The following NKAIN3 variants were observed in gnomAD, a reference collection of about 807,000 sequenced individuals.
The protein encoded by NKAIN3 is sodium/potassium-transporting ATPase subunit beta-1-interacting protein 3.
Under a neutral mutation model 30.2 loss-of-function variants are expected in NKAIN3, and 25 were observed. The observed-to-expected ratio is 0.83, with a 90% CI of 0.60 to 1.16. The LOEUF (loss-of-function observed/expected upper bound fraction) is 1.16, where lower values mean the gene tolerates loss of function less well. NKAIN3 is among the 50% of genes most tolerant of loss of function. NKAIN3 has a pLI of 0.00. For synonymous variants in NKAIN3, 91 were observed against 89.6 expected (o/e 1.02, Z -0.09); for missense variants, 225 against 254.1 (o/e 0.89, Z 0.78).
intron 4 of NKAIN3, among the ~76,000 whole-genome samples, chr8:62,871,270 G>C (rs1820634054): frequency 6.6e-6 from 1 of 151,880 alleles, no homozygotes; most frequent in Non-Finnish European, 1.5e-5. Context: ...AGACCTGGTG[G>C]TGTGCACCTG....
intron 5 of NKAIN3, among the ~76,000 whole-genome samples, chr8:62,950,880 A>G (rs951870176): frequency 6.6e-6 from 1 of 150,666 alleles, no homozygotes; most frequent in African/African-American, 2.4e-5. Context: ...CACGTAGACA[A>G]CTCTTTCCAT....
intron 3 of NKAIN3, among the ~76,000 whole-genome samples, chr8:62,647,824 A>G (rs16929351): frequency 0.012 from 1,890 of 152,290 alleles, 43 homozygotes; most frequent in East Asian, 0.058. Context: ...AAGCAGTTTT[A>G]CTTGAGACAA....
chr8:62,376,546 C>A (rs13269658), intron 1 of NKAIN3, among the ~76,000 whole-genome samples: 63,731 of 151,978 alleles, frequency 0.42, 15,621 homozygotes, highest in Non-Finnish European at 0.54. Context: ...TCTACAGGTG[C>A]TTGCACCTGT....
intron 1 of NKAIN3, among the ~76,000 whole-genome samples, chr8:62,267,399 A>C (rs1200189853): frequency 6.6e-6 from 1 of 152,224 alleles, no homozygotes; most frequent in East Asian, 1.9e-4. Context: ...TTTAGGTTAA[A>C]TATCTGCAGT....
intron 1 of NKAIN3, among the ~76,000 whole-genome samples, chr8:62,376,742 T>C (rs1325297643): frequency 6.6e-6 from 1 of 152,172 alleles, no homozygotes; most frequent in Non-Finnish European, 1.5e-5. Context: ...AAAATGCAAA[T>C]ATATTTACAC....
At chr8:62,588,975 C>T (rs1276551012) in intron 2 of NKAIN3, among the ~76,000 whole-genome samples, 6 of 151,792 alleles carry the variant, frequency 4.0e-5, no homozygotes, top group South Asian at 4.2e-4. Flanking sequence ...ATGAGTCTCT[C>T]GATCTAGGGC....
intron 4 of NKAIN3, among the ~76,000 whole-genome samples, chr8:62,883,956 G>A (rs7010101): frequency 1 from 152,300 of 152,300 alleles, 76,150 homozygotes; most frequent in Non-Finnish European, 1. Flanking sequence ...CTTTCTGTGT[G>A]CCTATGATCC....
chr8:62,953,530 GA>G lies in NKAIN3; in HGVS notation c.533-364del, dbSNP rs375766946. ...TAATGATGCAATACATATTCTTAAG[GA>G]AAAAAAAGGATTCTAGCAGCAAGAG... On this transcript the variant is annotated intron_variant, in intron 5 of 6. Transcript: ENST00000623646. Among the ~76,000 whole-genome samples, 319 of 151,576 alleles carry G rather than the reference GA, an allele frequency of 2.1e-3. 2 individuals are homozygous for G. Among genetic ancestry groups the G allele is most frequent in the Middle Eastern group, 6.8e-3 (2 of 292 alleles).
intron 1 of NKAIN3, among the ~76,000 whole-genome samples, chr8:62,307,202 C>A (rs1814273219): frequency 6.7e-6 from 1 of 148,832 alleles, no homozygotes; most frequent in African/African-American, 2.6e-5. Context: ...TTTTAAATAT[C>A]CTACTTAATT....
chr8:62,615,768 G>A (rs1811433697), intron 3 of NKAIN3, among the ~76,000 whole-genome samples: 1 of 152,154 alleles, frequency 6.6e-6, no homozygotes, highest in Admixed American at 6.5e-5. Context: ...ACTGAGTTCA[G>A]TGACACAATT....
At chr8:62,379,248 C>T (rs1486825315) in intron 1 of NKAIN3, among the ~76,000 whole-genome samples, 1 of 152,174 alleles carries the variant, frequency 6.6e-6, no homozygotes, top group Non-Finnish European at 1.5e-5. Context: ...TAGGAAGTTA[C>T]TAACTTGCTT....
At chr8:62,581,996 C>A (rs111066296) in intron 2 of NKAIN3, among the ~76,000 whole-genome samples, 5 of 127,282 alleles carry the variant, frequency 3.9e-5, no homozygotes, top group African/African-American at 8.4e-5. Context: ...TTCCTTCTTT[C>A]CTTCCTTCCC....
intron 5 of NKAIN3, among the ~76,000 whole-genome samples, chr8:62,951,021 A>C (rs998441009): frequency 7.8e-5 from 11 of 141,572 alleles, no homozygotes; most frequent in Admixed American, 5.4e-4. Flanking sequence ...CAACAATACC[A>C]CTCTCTTTTC....
intron 1 of NKAIN3, among the ~76,000 whole-genome samples, chr8:62,557,164 G>T (rs889866998): frequency 4.6e-5 from 7 of 151,960 alleles, no homozygotes; most frequent in African/African-American, 1.7e-4. Context: ...ATGATGTTTG[G>T]TTTTCCATTC....
At chr8:62,567,984 C>T (rs1234029860) in intron 1 of NKAIN3, among the ~76,000 whole-genome samples, 1 of 152,106 alleles carries the variant, frequency 6.6e-6, no homozygotes, top group Non-Finnish European at 1.5e-5. Flanking sequence ...TTAAAGATTA[C>T]TGTTACCTGC....
At chr8:62,635,130 C>G (rs1396461266) in intron 3 of NKAIN3, among the ~76,000 whole-genome samples, 3 of 152,014 alleles carry the variant, frequency 2.0e-5, no homozygotes, top group Non-Finnish European at 2.9e-5. Flanking sequence ...GGGACTGTGA[C>G]AGGGTATGGA....
In NKAIN3 at chr8:62,359,664, A is replaced by T. The variant is rs540655578; in HGVS notation, c.54+110537A>T. ...TACTAAGAATTAGACAAGAGCCAGA[A>T]CAGGTCTTTTGTTGGAAGCCAGAGT... On this transcript the variant is annotated intron_variant, in intron 1 of 6. Transcript: ENST00000623646. Among the ~76,000 whole-genome samples, 5 of 152,346 alleles carry T rather than the reference A, an allele frequency of 3.3e-5. No individual in the cohort carries two copies. In the East Asian group the frequency reaches 9.7e-4, roughly 29 times the overall value.
At chr8:62,466,036 G>A (rs924816202) in intron 1 of NKAIN3, among the ~76,000 whole-genome samples, 1 of 151,812 alleles carries the variant, frequency 6.6e-6, no homozygotes, top group African/African-American at 2.4e-5. Flanking sequence ...AAAGAAAAAA[G>A]AAAGAAAAAA....
intron 3 of NKAIN3, among the ~76,000 whole-genome samples, chr8:62,680,866 T>C (rs1813624957): frequency 6.6e-6 from 1 of 152,232 alleles, no homozygotes; most frequent in Non-Finnish European, 1.5e-5. Context: ...TGCTTCCAAT[T>C]ATAGCAATTG....
Sources: gnomAD v4.1 joint callset for allele counts (sites outside exome capture counted in the v4.1 genomes callset) on GRCh38, gnomAD v4.1.1 for gene constraint, MANE v1.5 for transcripts, NCBI Gene and HGNC (gene_info 2026-07-23, HGNC 2026-07-21) for gene names.